Variants in INTS7 observed in about 807,000 individuals in gnomAD.
The protein encoded by INTS7 is chromosome 1 open reading frame 73.
INTS7 carries 46 observed loss-of-function variants against 109.2 expected under a neutral mutation model. That is an observed-to-expected ratio of 0.42 (90% CI 0.33 to 0.54). The LOEUF (loss-of-function observed/expected upper bound fraction) is 0.54. Ranked by LOEUF, INTS7 falls within the 20% of genes least tolerant of loss-of-function variation. The probability of loss-of-function intolerance (pLI) is 0.07; values close to 1 mark genes in which losing one functional copy is unlikely to be tolerated. For missense variants in INTS7, 929 were observed against 1,132.4 expected (o/e 0.82, Z 2.58); for synonymous variants, 412 against 402.9 (o/e 1.02, Z -0.27).
intron 9 of INTS7, 26 bp downstream of exon 9, chr1:211,982,650 G>A (rs143136082): frequency 1.3e-4 from 192 of 1,532,018 alleles, no homozygotes; most frequent in African/African-American, 1.1e-3. Context: ...AAGTTTATAC[G>A]TAATATCAGT....
At chr1:211,990,821 TA>T (rs1394540746) in intron 7 of INTS7, among the ~76,000 whole-genome samples, 1 of 152,022 alleles carries the variant, frequency 6.6e-6, no homozygotes, top group African/African-American at 2.4e-5. Context: ...TATAGGGCCT[TA>T]AAAGTTAGGC....
intron 16 of INTS7, among the ~76,000 whole-genome samples, chr1:211,955,004 C>T (rs543804545): frequency 3.3e-5 from 5 of 152,286 alleles, no homozygotes; most frequent in South Asian, 2.1e-4. Context: ...GCCATTTTCA[C>T]GATACTGATT....
intron 4 of INTS7, among the ~76,000 whole-genome samples, chr1:212,014,386 A>T (rs542299534): frequency 8.0e-4 from 113 of 141,554 alleles, no homozygotes; most frequent in African/African-American, 2.8e-3. Context: ...AATCACTTGA[A>T]CCTGGGAGAT....
chr1:211,947,736 G>A (rs533303215), intron 17 of INTS7, among the ~76,000 whole-genome samples: 3 of 152,236 alleles, frequency 2.0e-5, no homozygotes, highest in African/African-American at 7.2e-5. Flanking sequence ...AGTCAGACTC[G>A]CATTTATTCA....
chr1:211,982,714 C>G lies in INTS7; in HGVS notation c.1094G>C (p.Arg365Thr). 2 of 1,612,182 alleles carry G rather than the reference C, an allele frequency of 1.2e-6. No homozygotes were observed. Among genetic ancestry groups the G allele is most frequent in the Non-Finnish European group, 1.7e-6 (2 of 1,178,748 alleles). ...NNRGIAAHGVRVLTNITVSCQ... is the reference protein window; with the variant it reads ...NNRGIAAHGVTVLTNITVSCQ... ...AGAAACAGTTATATTAGTTAGGACT[C>G]TAACTCCATGAGCTGCAATGCCCCT... The change falls in exon 9 of 20, where the codon AGA (arginine) becomes ACA (threonine). Residue 365 changes from arginine (R) to threonine (T), a missense_variant. Coordinates refer to ENST00000366994, the MANE Select transcript of INTS7 (RefSeq NM_015434.4).
Position 212,035,422 on chromosome 1 carries a change from T to C in INTS7, c.16A>G (p.Thr6Ala), listed in dbSNP as rs1667396966. 9 of 1,613,770 alleles carry C rather than the reference T, an allele frequency of 5.6e-6. No individual in the cohort carries two copies. The highest frequency in any genetic ancestry group is 7.6e-6 in the Non-Finnish European group (9 of 1,179,592). ...CCGGCATCTGCCAGGAAAGACTTAGTTGAGTTTGACGCCATGACCCGAATA... is the reference window on the plus strand; with the variant it reads ...CCGGCATCTGCCAGGAAAGACTTAGCTGAGTTTGACGCCATGACCCGAATA... MASNS[T>A]KSFLADAGYG... The change falls in exon 1 of 20, where the codon ACT (threonine) becomes GCT (alanine). Residue 6 changes from threonine to alanine, a missense_variant. Coordinates refer to ENST00000366994, the MANE Select transcript of INTS7 (RefSeq NM_015434.4).
At chr1:211,990,005 T>A (rs190629251) in intron 7 of INTS7, among the ~76,000 whole-genome samples, 5 of 152,286 alleles carry the variant, frequency 3.3e-5, no homozygotes, top group African/African-American at 1.2e-4. Flanking sequence ...TGATAATACA[T>A]AACACTGAAG....
chr1:211,992,961 G>C (rs1265425337), intron 7 of INTS7, among the ~76,000 whole-genome samples: 1 of 152,096 alleles, frequency 6.6e-6, no homozygotes, highest in African/African-American at 2.4e-5. Context: ...TTCTCTACTG[G>C]CTTAACTCAC....
chr1:211,947,954 G>C (rs1662913956), intron 17 of INTS7, among the ~76,000 whole-genome samples: 1 of 152,192 alleles, frequency 6.6e-6, no homozygotes, highest in South Asian at 2.1e-4. Context: ...CCTTCAGCCA[G>C]ATCTATTACT....
chr1:212,027,684 GTGGTTTTCAGCTTGGT>G (rs1190740204), intron 1 of INTS7, among the ~76,000 whole-genome samples: 1 of 152,232 alleles, frequency 6.6e-6, no homozygotes, highest in Non-Finnish European at 1.5e-5. Flanking sequence ...TGCCAGGCTA[GTGGTTTTCAGCTTGGT>G]TCTGCATCAG....
At chr1:211,980,360 TCTC>T (rs1331518105) in intron 10 of INTS7, among the ~76,000 whole-genome samples, 12 of 152,194 alleles carry the variant, frequency 7.9e-5, no homozygotes, top group Non-Finnish European at 1.0e-4. Flanking sequence ...TAACTATGCT[TCTC>T]CTCATTAATT....
chr1:211,954,236 T>A (rs1039786343), intron 16 of INTS7, among the ~76,000 whole-genome samples: 14 of 152,252 alleles, frequency 9.2e-5, no homozygotes, highest in African/African-American at 3.4e-4. Flanking sequence ...CGCTCACTTT[T>A]TGATGGGGTT....
At chr1:212,006,964 G>A (rs1665948513) in intron 6 of INTS7, among the ~76,000 whole-genome samples, 3 of 151,402 alleles carry the variant, frequency 2.0e-5, no homozygotes, top group African/African-American at 7.3e-5. Flanking sequence ...TTTAGCACAG[G>A]CCCTGGCATT....
chr1:211,965,750 A>G (rs1249147715), intron 16 of INTS7, among the ~76,000 whole-genome samples: 1 of 152,194 alleles, frequency 6.6e-6, no homozygotes, highest in Non-Finnish European at 1.5e-5. Flanking sequence ...ATGATAACAT[A>G]TGGAAACATA....
At chr1:211,979,683 A>G (rs114045646) in intron 10 of INTS7, among the ~76,000 whole-genome samples, 1,686 of 152,310 alleles carry the variant, frequency 0.011, 30 homozygotes, top group African/African-American at 0.038. Flanking sequence ...TCACCCAGCC[A>G]CAGTGGGCTA....
At chr1:212,015,570 G>A (rs1478765574) in intron 4 of INTS7, among the ~76,000 whole-genome samples, 1 of 151,836 alleles carries the variant, frequency 6.6e-6, no homozygotes, top group African/African-American at 2.4e-5. Context: ...CAAACACTGA[G>A]GAAGGCCGCA....
intron 13 of INTS7, among the ~76,000 whole-genome samples, chr1:211,970,774 T>G (rs1664135255): frequency 6.6e-6 from 1 of 152,178 alleles, no homozygotes; most frequent in African/African-American, 2.4e-5. Context: ...GAGAAAAATG[T>G]ATGGCAATAG....
rs149317721 is a variant in INTS7, at chr1:211,955,634, G to T, written c.2184-2933C>A. Among the ~76,000 whole-genome samples the T allele has an allele frequency of 3.4e-4, 52 of 152,292 alleles. No homozygotes were observed. The East Asian group carries it at 8.3e-3, about 24-fold the overall frequency. ...GGTAATTTAAATATGCTGGGCATAA[G>T]ACTACTCTGATTATTCCCTACTATC... is the stretch of plus-strand genomic sequence containing the variant. On this transcript the variant is annotated intron_variant, in intron 16 of 19. Coordinates refer to ENST00000366994, the MANE Select transcript of INTS7 (RefSeq NM_015434.4).
chr1:211,952,212 T>C (rs986406153), intron 17 of INTS7, among the ~76,000 whole-genome samples: 4 of 152,234 alleles, frequency 2.6e-5, no homozygotes, highest in African/African-American at 7.2e-5. Context: ...GTGAGGCCTG[T>C]ATATTAATGT....
Sources: gnomAD v4.1 joint callset for allele counts (sites outside exome capture counted in the v4.1 genomes callset) on GRCh38, gnomAD v4.1.1 for gene constraint, MANE v1.5 for transcripts, NCBI Gene and HGNC (gene_info 2026-07-23, HGNC 2026-07-21) for gene names.